KCNN2: variants seen among roughly 807,000 people sequenced by gnomAD.
KCNN2 encodes potassium calcium-activated channel subfamily N member 2.
KCNN2 carries 24 observed loss-of-function variants against 55.5 expected under a neutral mutation model. That is an observed-to-expected ratio of 0.43 (90% CI 0.31 to 0.61). The LOEUF (loss-of-function observed/expected upper bound fraction) is 0.61, where lower values mean the gene tolerates loss of function less well. Ranked by LOEUF, KCNN2 falls within the 20% of genes least tolerant of loss-of-function variation. The pLI is 0.08. For synonymous variants in KCNN2, 431 were observed against 336.1 expected (o/e 1.28, Z -3.09); for missense variants, 754 against 853.6 (o/e 0.88, Z 1.45).
At chr5:114,369,430 G>A (rs539907541) in intron 2 of KCNN2, among the ~76,000 whole-genome samples, 69 of 152,252 alleles carry the variant, frequency 4.5e-4, no homozygotes, top group Admixed American at 1.1e-3. Flanking sequence ...GAAGATGAAG[G>A]AAGCTAAAAA....
intron 3 of KCNN2, among the ~76,000 whole-genome samples, chr5:114,420,139 G>A (rs1264617941): frequency 6.6e-6 from 1 of 152,250 alleles, no homozygotes; most frequent in African/African-American, 2.4e-5. Context: ...GAGTCATTAA[G>A]AAATCTAATC....
chr5:114,206,391 C>T (rs1418331465), intron 1 of KCNN2, among the ~76,000 whole-genome samples: 1 of 152,122 alleles, frequency 6.6e-6, no homozygotes, highest in Non-Finnish European at 1.5e-5. Context: ...TCCACATATC[C>T]CAAATTCCTC....
At chr5:114,093,807 G>T (rs1260033004) in intron 1 of KCNN2, among the ~76,000 whole-genome samples, 1 of 152,130 alleles carries the variant, frequency 6.6e-6, no homozygotes, top group Non-Finnish European at 1.5e-5. Context: ...CCTCCACCTG[G>T]TCTCTCCCTT....
At chr5:114,129,331 C>G (rs1248522907) in intron 1 of KCNN2, among the ~76,000 whole-genome samples, 2 of 152,144 alleles carry the variant, frequency 1.3e-5, no homozygotes, top group African/African-American at 4.8e-5. Context: ...TGAAACCCAA[C>G]AAAGAGAATA....
At chr5:114,363,344 C>G (rs531344930) in intron 1 of KCNN2, 83 bp downstream of exon 1, 2 of 1,427,390 alleles carry the variant, frequency 1.4e-6, no homozygotes, top group South Asian at 1.5e-5. Flanking sequence ...CCTTTGCGTG[C>G]GGATCCCTAG....
intron 2 of KCNN2, among the ~76,000 whole-genome samples, chr5:114,354,661 T>C (rs1757267174): frequency 6.6e-6 from 1 of 152,198 alleles, no homozygotes; most frequent in Non-Finnish European, 1.5e-5. Flanking sequence ...GAAGTACTCC[T>C]TGTTAAGAAA....
chr5:114,080,343 C>G (rs900758326), intron 1 of KCNN2, among the ~76,000 whole-genome samples: 1 of 152,194 alleles, frequency 6.6e-6, no homozygotes, highest in Non-Finnish European at 1.5e-5. Context: ...TTTTTTCTCT[C>G]TCATCCATGT....
rs1358505166 is a variant in KCNN2, at chr5:114,091,063, C to A, written c.-271+34563C>A. On this transcript the variant is annotated intron_variant, in intron 1 of 10. Transcript: ENST00000512097. ...CCATGTTGCTCAGACTGATCTCAAA[C>A]TCCTGTGTTCAAGTGATCTACCTGC... Among the ~76,000 whole-genome samples the A allele has an allele frequency of 2.0e-5, 3 of 152,088 alleles. No homozygotes were observed. In the East Asian group the frequency reaches 5.8e-4, roughly 29 times the overall value.
chr5:114,078,688 T>G (rs1750734347), intron 1 of KCNN2, among the ~76,000 whole-genome samples: 1 of 152,176 alleles, frequency 6.6e-6, no homozygotes, highest in African/African-American at 2.4e-5. Context: ...GCCTGAAGAA[T>G]AAGGCTTAGA....
At chr5:114,141,361 T>C (rs1179151445) in intron 1 of KCNN2, among the ~76,000 whole-genome samples, 1 of 152,102 alleles carries the variant, frequency 6.6e-6, no homozygotes, top group Admixed American at 6.5e-5. Flanking sequence ...TTCCCACCTA[T>C]GAGTGAGAAC....
intron 4 of KCNN2, 39 bp from the exon 5 acceptor site, chr5:114,473,015 T>A: frequency 8.3e-7 from 1 of 1,209,278 alleles, no homozygotes. Flanking sequence ...AGAAAGTAGT[T>A]AGTAATGCTT....
chr5:114,237,265 C>CAT (rs1313087899), intron 2 of KCNN2, among the ~76,000 whole-genome samples: 1 of 149,748 alleles, frequency 6.7e-6, no homozygotes, highest in Admixed American at 6.7e-5. Context: ...TTCACACACA[C>CAT]ACACACACAC....
chr5:114,314,091 T>G (rs1444430088), intron 2 of KCNN2, among the ~76,000 whole-genome samples: 1 of 152,148 alleles, frequency 6.6e-6, no homozygotes, highest in Non-Finnish European at 1.5e-5. Context: ...AGTTTTTGTG[T>G]AGCTGTTCAT....
chr5:114,256,311 G>A (rs1056667189), intron 2 of KCNN2, among the ~76,000 whole-genome samples: 23 of 152,068 alleles, frequency 1.5e-4, no homozygotes, highest in African/African-American at 5.6e-4. Flanking sequence ...CCATAGCTTG[G>A]CTATTAGGAA....
chr5:114,266,340 C>T (rs928663178), intron 2 of KCNN2, among the ~76,000 whole-genome samples: 1 of 152,112 alleles, frequency 6.6e-6, no homozygotes, highest in Non-Finnish European at 1.5e-5. Flanking sequence ...GTATCTTATT[C>T]TGGTGTGGGT....
At chr5:114,088,999 T>C (rs1351985691) in intron 1 of KCNN2, among the ~76,000 whole-genome samples, 1 of 152,230 alleles carries the variant, frequency 6.6e-6, no homozygotes, top group Non-Finnish European at 1.5e-5. Context: ...ATGTAATTCC[T>C]TAAACATATT....
At chr5:114,317,386 C>T (rs1244675807) in intron 2 of KCNN2, among the ~76,000 whole-genome samples, 1 of 152,158 alleles carries the variant, frequency 6.6e-6, no homozygotes, top group Non-Finnish European at 1.5e-5. Flanking sequence ...CACAAGGTAA[C>T]TTTGACTTCA....
intron 1 of KCNN2, among the ~76,000 whole-genome samples, chr5:114,149,674 A>G (rs545251017): frequency 2.4e-4 from 37 of 152,314 alleles, no homozygotes; most frequent in African/African-American, 7.9e-4. Context: ...AGAATTTAAA[A>G]TATAGTGTGT....
chr5:114,226,211 AGTACATATACTCCTTTAGAGTGTTTT>A (rs1265610636), intron 2 of KCNN2, among the ~76,000 whole-genome samples: 1 of 152,232 alleles, frequency 6.6e-6, no homozygotes, highest in Non-Finnish European at 1.5e-5. Context: ...TAAAATGCAG[AGTACATATACTCCTTTAGAGTGTTTT>A]ATTTTTTTCA....
Sources: allele counts gnomAD v4.1 joint callset (sites outside exome capture counted in the v4.1 genomes callset), GRCh38; gene constraint gnomAD v4.1.1; transcripts MANE v1.5; gene names NCBI Gene and HGNC (gene_info 2026-07-23, HGNC 2026-07-21).